MYO10: variants seen among roughly 807,000 people sequenced by gnomAD.
The protein encoded by MYO10 is myosin X.
A neutral mutation model predicts 257.3 loss-of-function variants in MYO10; 133 were observed. The observed-to-expected ratio is 0.52, with a 90% CI of 0.45 to 0.60. The LOEUF is 0.60. MYO10 is among the 20% of genes least tolerant of loss of function. MYO10 has a pLI of 0.00. For synonymous variants in MYO10, 1,104 were observed against 1,028.6 expected (o/e 1.07, Z -1.40); for missense variants, 2,399 against 2,635.7 (o/e 0.91, Z 1.97).
At chr5:16,876,699 T>C (rs1407978654) in intron 2 of MYO10, among the ~76,000 whole-genome samples, 14 of 152,192 alleles carry the variant, frequency 9.2e-5, no homozygotes, top group East Asian at 1.9e-4. Context: ...GGATTACAGG[T>C]GCCTGCCACC....
chr5:16,813,609 T>C (rs953182265), intron 3 of MYO10, among the ~76,000 whole-genome samples: 1 of 149,208 alleles, frequency 6.7e-6, no homozygotes, highest in Admixed American at 6.7e-5. Flanking sequence ...GTGGGCAGAA[T>C]AATGGCTCCT....
intron 38 of MYO10, 106 bp from the exon 39 acceptor site, chr5:16,671,084 T>C: frequency 9.4e-7 from 1 of 1,065,456 alleles, no homozygotes; most frequent in Non-Finnish European, 1.3e-6. Flanking sequence ...AAACTCACCT[T>C]CCCTGACTGC....
At chr5:16,706,953 C>G (rs1738373513) in intron 21 of MYO10, among the ~76,000 whole-genome samples, 1 of 152,130 alleles carries the variant, frequency 6.6e-6, no homozygotes, top group African/African-American at 2.4e-5. Context: ...CCACTCAAAT[C>G]TCATCTTGAA....
intron 1 of MYO10, among the ~76,000 whole-genome samples, chr5:16,884,175 G>C (rs1047688633): frequency 6.6e-6 from 1 of 152,162 alleles, no homozygotes; most frequent in Admixed American, 6.5e-5. Flanking sequence ...CGGATTACCC[G>C]AGCCCAAAAG....
intron 29 of MYO10, among the ~76,000 whole-genome samples, chr5:16,684,202 T>C (rs1454451366): frequency 6.6e-6 from 1 of 152,220 alleles, no homozygotes; most frequent in Non-Finnish European, 1.5e-5. Flanking sequence ...TCTTTGTTTT[T>C]AAAAATATTT....
At chr5:16,714,888 G>T (rs1323621064) in intron 19 of MYO10, among the ~76,000 whole-genome samples, 1 of 152,114 alleles carries the variant, frequency 6.6e-6, no homozygotes, top group Non-Finnish European at 1.5e-5. Context: ...TAGAAAGAAT[G>T]AATATTTAGT....
intron 19 of MYO10, among the ~76,000 whole-genome samples, chr5:16,715,876 T>C (rs1448615836): frequency 1.3e-5 from 2 of 152,018 alleles, no homozygotes; most frequent in African/African-American, 4.8e-5. Context: ...ACCAATATGG[T>C]GAAACCTTGT....
intron 2 of MYO10, among the ~76,000 whole-genome samples, chr5:16,851,633 CCTT>C (rs1743803747): frequency 2.0e-5 from 3 of 152,168 alleles, no homozygotes. Flanking sequence ...GGATGTGAAA[CCTT>C]CATCATGGTT....
chr5:16,670,752 T>G lies in MYO10; in HGVS notation c.5657A>C (p.Glu1886Ala). The G allele has an allele frequency of 1.2e-6, 2 of 1,613,958 alleles. No individual in the cohort carries two copies. The highest frequency in any genetic ancestry group is 1.7e-6 in the Non-Finnish European group (2 of 1,179,872). The change falls in exon 39 of 41, where the codon GAG (glutamate) becomes GCG (alanine). Residue 1886 changes from glutamate to alanine, a missense_variant. By Grantham distance (107) the Glu-to-Ala change is moderately radical. This residue lies in a region of MYO10 where 1,820 missense variants were observed against 1,939.4 expected (regional missense o/e 0.94). Coordinates refer to ENST00000513610, the MANE Select transcript of MYO10 (RefSeq NM_012334.3). The part of the protein sequence containing the change: ...RLEKRRTSFL[E>A]GTLRRSFRTG... ...CCGGAAGCTCCGCCTCAGGGTCCCCTCTAGGAAGCTCGTCCGCCTCTTCTC... is the reference window on the plus strand; with the variant it reads ...CCGGAAGCTCCGCCTCAGGGTCCCCGCTAGGAAGCTCGTCCGCCTCTTCTC...
intron 19 of MYO10, among the ~76,000 whole-genome samples, chr5:16,718,393 C>G (rs1046629935): frequency 6.6e-6 from 1 of 152,256 alleles, no homozygotes; most frequent in African/African-American, 2.4e-5. Flanking sequence ...GCGGGATCCA[C>G]TAGGTGAAGC....
intron 21 of MYO10, 112 bp from the exon 22 acceptor site, chr5:16,704,797 C>T (rs1738254193): frequency 2.6e-6 from 2 of 772,952 alleles, no homozygotes; most frequent in Non-Finnish European, 4.3e-6. Context: ...TTAGTTTGAT[C>T]CACCACATGG....
chr5:16,865,972 T>A (rs74514190), intron 2 of MYO10, among the ~76,000 whole-genome samples: 7,636 of 150,826 alleles, frequency 0.051, 276 homozygotes, highest in South Asian at 0.17. Context: ...TTTAAAATTG[T>A]TAAAATTAAA....
intron 1 of MYO10, among the ~76,000 whole-genome samples, chr5:16,932,866 G>T (rs31459): frequency 0.39 from 59,815 of 151,712 alleles, 12,011 homozygotes; most frequent in Middle Eastern, 0.5. Context: ...CTGCAGCCTG[G>T]ACCTCCTGGG....
intron 3 of MYO10, among the ~76,000 whole-genome samples, chr5:16,804,806 T>C (rs1742224063): frequency 6.6e-6 from 1 of 152,002 alleles, no homozygotes; most frequent in Non-Finnish European, 1.5e-5. Context: ...TCCCAGCTAC[T>C]CGGCAGGCTG....
At chr5:16,862,347 T>C (rs1047676317) in intron 2 of MYO10, among the ~76,000 whole-genome samples, 1 of 152,210 alleles carries the variant, frequency 6.6e-6, no homozygotes, top group Non-Finnish European at 1.5e-5. Context: ...GAAAGACTTG[T>C]TCCAAATAAC....
intron 1 of MYO10, among the ~76,000 whole-genome samples, chr5:16,929,927 T>C (rs1746250061): frequency 6.6e-6 from 1 of 151,850 alleles, no homozygotes; most frequent in Non-Finnish European, 1.5e-5. Context: ...AGATACTTCA[T>C]AATCAAGGGA....
intron 19 of MYO10, among the ~76,000 whole-genome samples, chr5:16,745,303 C>T (rs7729830): frequency 0.18 from 27,753 of 152,120 alleles, 3,258 homozygotes; most frequent in African/African-American, 0.3. Flanking sequence ...GATCGTGCCA[C>T]TGCACTCCAG....
chr5:16,882,472 T>G (rs1490807974), intron 1 of MYO10, among the ~76,000 whole-genome samples: 1 of 119,320 alleles, frequency 8.4e-6, no homozygotes, highest in African/African-American at 2.7e-5. Flanking sequence ...AGCAGCAATA[T>G]TCTTACCAGC....
intron 33 of MYO10, among the ~76,000 whole-genome samples, chr5:16,678,624 T>C (rs1561173805): frequency 6.6e-6 from 1 of 152,124 alleles, no homozygotes; most frequent in African/African-American, 2.4e-5. Flanking sequence ...AGAATCTGGT[T>C]CTAAACACCT....
Sources: gnomAD v4.1 joint callset for allele counts (sites outside exome capture counted in the v4.1 genomes callset) on GRCh38, gnomAD v4.1.1 for gene constraint, gnomAD v4.1.1 regional missense constraint, MANE v1.5 for transcripts, NCBI Gene and HGNC (gene_info 2026-07-23, HGNC 2026-07-21) for gene names.